Variants in XKR6 observed in about 807,000 individuals in gnomAD.
XKR6 encodes the protein XK related 6, also known as XK-related protein 6.
A neutral mutation model predicts 56.7 loss-of-function variants in XKR6; 22 were observed. That is an observed-to-expected ratio of 0.39 (90% CI 0.28 to 0.55). The LOEUF is 0.55. Ranked by LOEUF, XKR6 falls within the 20% of genes least tolerant of loss-of-function variation. The pLI is 0.66. For missense variants in XKR6, 852 were observed against 889.0 expected (o/e 0.96, Z 0.53); for synonymous variants, 524 against 387.8 (o/e 1.35, Z -4.13).
intron 1 of XKR6, among the ~76,000 whole-genome samples, chr8:10,929,930 T>C (rs538932257): frequency 8.3e-4 from 127 of 152,332 alleles, no homozygotes; most frequent in African/African-American, 2.9e-3. Flanking sequence ...AAAGCTCCTG[T>C]TCCCTCCAGC....
intron 2 of XKR6, among the ~76,000 whole-genome samples, chr8:10,910,592 G>T (rs56009433): frequency 0.032 from 4,912 of 152,266 alleles, 124 homozygotes; most frequent in Non-Finnish European, 0.052. Flanking sequence ...CCTGGACCCT[G>T]GGCTCTTCTG....
At chr8:11,022,544 T>C (rs1586441872) in intron 1 of XKR6, among the ~76,000 whole-genome samples, 1 of 152,086 alleles carries the variant, frequency 6.6e-6, no homozygotes, top group African/African-American at 2.4e-5. Flanking sequence ...AGTGTCAAAA[T>C]CCCAAACTCA....
intron 1 of XKR6, among the ~76,000 whole-genome samples, chr8:11,155,126 C>T (rs1230293765): frequency 6.6e-6 from 1 of 152,250 alleles, no homozygotes; most frequent in Non-Finnish European, 1.5e-5. Context: ...CTTGATACTG[C>T]ATACTCCCAC....
At chr8:10,939,121 C>T (rs1179534205) in intron 1 of XKR6, among the ~76,000 whole-genome samples, 1 of 152,128 alleles carries the variant, frequency 6.6e-6, no homozygotes, top group Non-Finnish European at 1.5e-5. Context: ...CTCACAAACC[C>T]TGGATGGAAA....
At chr8:10,949,450 G>T (rs1801652832) in intron 1 of XKR6, among the ~76,000 whole-genome samples, 1 of 152,212 alleles carries the variant, frequency 6.6e-6, no homozygotes, top group Non-Finnish European at 1.5e-5. Flanking sequence ...CCGCACCACA[G>T]AGCCAGGGCT....
At chr8:11,191,850 T>C (rs1280696872) in intron 1 of XKR6, among the ~76,000 whole-genome samples, 1 of 152,154 alleles carries the variant, frequency 6.6e-6, no homozygotes, top group Admixed American at 6.5e-5. Context: ...AAAACAGCTA[T>C]TAGATGATTT....
At position 11,201,298 on chromosome 8, in the gene XKR6, G is replaced by A. The variant is rs145352954; in HGVS notation, c.42C>T (p.Phe14=). ...CCTCGTCCAGGTTGTGCAGCTGAGC[G>A]AAGCCCACCCCCACGCCACCGCCAT... ...KSDGGGVGVG[F]AQLHNLDEAV... The change falls in exon 1 of 3, where the codon TTC becomes TTT. Residue 14 remains phenylalanine, a synonymous_variant. Coordinates refer to ENST00000416569, the MANE Select transcript of XKR6 (RefSeq NM_173683.4). 6.7e-5 allele frequency: 101 copies of A among 1,507,332 alleles called. No homozygotes were observed. The African/African-American group carries it at 1.2e-3, about 18-fold the overall frequency. The allele number at this position is 1,507,332 out of a possible 1,614,324, so 93.4% of individuals were successfully genotyped here.
chr8:10,952,139 C>A (rs895430791), intron 1 of XKR6, among the ~76,000 whole-genome samples: 1 of 152,186 alleles, frequency 6.6e-6, no homozygotes, highest in African/African-American at 2.4e-5. Context: ...CCATCCCCAT[C>A]CCAGGCCTCA....
chr8:11,036,492 C>T (rs906836026), intron 1 of XKR6, among the ~76,000 whole-genome samples: 3 of 152,330 alleles, frequency 2.0e-5, no homozygotes, highest in African/African-American at 7.2e-5. Flanking sequence ...GTTAGGAATG[C>T]ACATTCTTAG....
chr8:10,946,110 G>C (rs1381211716), intron 1 of XKR6, among the ~76,000 whole-genome samples: 1 of 151,998 alleles, frequency 6.6e-6, no homozygotes, highest in South Asian at 2.1e-4. Context: ...TAGAGCTAAA[G>C]ACCTCCTGAC....
intron 1 of XKR6, among the ~76,000 whole-genome samples, chr8:11,064,220 C>G (rs1799920809): frequency 6.6e-6 from 1 of 152,186 alleles, no homozygotes; most frequent in Non-Finnish European, 1.5e-5. Flanking sequence ...CACAACCCCA[C>G]TTATTTTCTG....
intron 2 of XKR6, among the ~76,000 whole-genome samples, chr8:10,916,365 A>C (rs1459463944): frequency 6.6e-6 from 1 of 152,226 alleles, no homozygotes; most frequent in African/African-American, 2.4e-5. Flanking sequence ...ATTTTAACCA[A>C]GATCCCAAAG....
chr8:11,165,813 T>C (rs769182617), intron 1 of XKR6, among the ~76,000 whole-genome samples: 4 of 152,072 alleles, frequency 2.6e-5, no homozygotes, highest in African/African-American at 9.7e-5. Flanking sequence ...TCACGTACAA[T>C]GGTAGAACTT....
intron 1 of XKR6, among the ~76,000 whole-genome samples, chr8:11,034,338 T>G (rs1460175261): frequency 6.6e-6 from 1 of 151,842 alleles, no homozygotes; most frequent in Non-Finnish European, 1.5e-5. Flanking sequence ...CCAAACAAAA[T>G]AACAAGAAGG....
chr8:11,005,692 G>C (rs531932753), intron 1 of XKR6, among the ~76,000 whole-genome samples: 14 of 152,176 alleles, frequency 9.2e-5, no homozygotes, highest in African/African-American at 2.6e-4. Context: ...ATATGAATTT[G>C]CTAGCAAAAA....
At chr8:11,085,318 G>A (rs1797850195) in intron 1 of XKR6, among the ~76,000 whole-genome samples, 2 of 152,226 alleles carry the variant, frequency 1.3e-5, no homozygotes, top group Non-Finnish European at 2.9e-5. Context: ...GGTCCTTGGA[G>A]TGCCTGCTCT....
intron 1 of XKR6, among the ~76,000 whole-genome samples, chr8:11,160,005 T>C (rs1001398490): frequency 2.6e-5 from 4 of 152,130 alleles, no homozygotes; most frequent in African/African-American, 7.2e-5. Flanking sequence ...GCACTACCTA[T>C]AGGAGCTGCT....
At chr8:11,120,711 A>C (rs1799410391) in intron 1 of XKR6, among the ~76,000 whole-genome samples, 2 of 152,206 alleles carry the variant, frequency 1.3e-5, no homozygotes, top group African/African-American at 4.8e-5. Flanking sequence ...GGAACCAAAA[A>C]AGAGCCCGCA....
At chr8:11,193,152 G>A (rs1449354227) in intron 1 of XKR6, among the ~76,000 whole-genome samples, 6 of 152,174 alleles carry the variant, frequency 3.9e-5, no homozygotes, top group Non-Finnish European at 8.8e-5. Flanking sequence ...TCTGTGAAAT[G>A]AATACTCTAA....
Sources: gnomAD v4.1 joint callset for allele counts (sites outside exome capture counted in the v4.1 genomes callset) on GRCh38, gnomAD v4.1.1 for gene constraint, MANE v1.5 for transcripts, NCBI Gene and HGNC (gene_info 2026-07-23, HGNC 2026-07-21) for gene names.